ATIC: variants seen among roughly 807,000 people sequenced by gnomAD.
ATIC encodes bifunctional purine biosynthesis protein ATIC.
In ATIC, 64 loss-of-function variants were observed where a neutral mutation model predicts 72.5. That is an observed-to-expected ratio of 0.88 (90% CI 0.72 to 1.09). The LOEUF is 1.09. Ranked by LOEUF, ATIC falls within the 50% of genes least tolerant of loss-of-function variation. The pLI, the probability that ATIC is intolerant of heterozygous loss-of-function variation, is 0.00. For synonymous variants in ATIC, 281 were observed against 267.1 expected (o/e 1.05, Z -0.51); for missense variants, 787 against 732.4 (o/e 1.07, Z -0.86).
chr2:215,330,980 C>G (rs548368432), intron 7 of ATIC, among the ~76,000 whole-genome samples: 293 of 152,248 alleles, frequency 1.9e-3, no homozygotes, highest in Non-Finnish European at 3.5e-3. Context: ...TAGCTTATTT[C>G]TTAATGCTGA....
At chr2:215,326,540 G>A (rs4672767) in intron 6 of ATIC, among the ~76,000 whole-genome samples, 109,351 of 151,350 alleles carry the variant, frequency 0.72, 40,069 homozygotes, top group Non-Finnish European at 0.8. Context: ...AACCCAGGAG[G>A]TGGAAGTTGC....
the ATIC span, chr2:215,362,240 C>A: frequency 3.0e-6 from 2 of 660,612 alleles, no homozygotes; most frequent in African/African-American, 1.8e-5. Context: ...GCATTTATAA[C>A]TCTTAATACA....
At chr2:215,364,202 T>C in the ATIC span, among the ~76,000 whole-genome samples, 1 of 152,264 alleles carries the variant, frequency 6.6e-6, no homozygotes, top group Non-Finnish European at 1.5e-5. Flanking sequence ...TCATTTCCTC[T>C]GTTTTTCCTA....
chr2:215,360,549 T>C, the ATIC span: 1 of 152,184 alleles, frequency 6.6e-6, no homozygotes, highest in Non-Finnish European at 1.5e-5. Context: ...AAGGGAAGAA[T>C]TACAATGGTT....
At chr2:215,323,188 G>A (rs1031795598) in intron 4 of ATIC, among the ~76,000 whole-genome samples, 5 of 152,028 alleles carry the variant, frequency 3.3e-5, no homozygotes, top group Non-Finnish European at 7.4e-5. Context: ...CTCGTGATCC[G>A]CCCGCCTCGG....
At chr2:215,349,369 G>A in intron 15 of ATIC, 120 bp downstream of exon 15, 1 of 1,574,380 alleles carries the variant, frequency 6.4e-7, no homozygotes, top group Non-Finnish European at 8.7e-7. Flanking sequence ...AATATTCAGA[G>A]AACCATTTGA....
chr2:215,339,697 C>G (rs1339235421), intron 12 of ATIC, among the ~76,000 whole-genome samples: 1 of 151,758 alleles, frequency 6.6e-6, no homozygotes, highest in Non-Finnish European at 1.5e-5. Context: ...TGCAGTGGTG[C>G]GATCTCGGGT....
the ATIC span, chr2:215,367,757 G>A: frequency 8.9e-7 from 1 of 1,129,744 alleles, no homozygotes; most frequent in Admixed American, 1.8e-5. Flanking sequence ...TTTGCTTCAT[G>A]TTTGGAAGAA....
At chr2:215,312,410 A>G in intron 1 of ATIC, 88 bp from the exon 2 acceptor site, 1 of 1,607,416 alleles carries the variant, frequency 6.2e-7, no homozygotes, top group Non-Finnish European at 8.5e-7. Context: ...TTGCGATTCG[A>G]GAATCTCCTC....
chr2:215,316,509 G>C lies in ATIC; in HGVS notation c.147-1648G>C, dbSNP rs111274181. Among the ~76,000 whole-genome samples the C allele has an allele frequency of 9.9e-3, 1,502 of 152,282 alleles. 23 individuals are homozygous for C. The highest frequency in any genetic ancestry group is 0.034 in the African/African-American group (1,407 of 41,562). ...AGCCCAGGAGTTCTAGGCTGCCATG[G>C]ACTGTAATCTTGCCTGTGAATAATC... On this transcript the variant is annotated intron_variant, in intron 2 of 15. Coordinates refer to ENST00000236959, the MANE Select transcript of ATIC (RefSeq NM_004044.7).
intron 2 of ATIC, among the ~76,000 whole-genome samples, chr2:215,313,272 G>T (rs920031676): frequency 5.3e-5 from 8 of 152,316 alleles, no homozygotes; most frequent in Admixed American, 1.3e-4. Context: ...TACTTTGACT[G>T]GTGATTTAAT....
In ATIC at chr2:215,334,965, T is replaced by C. The variant is rs1447426161; in HGVS notation, c.969T>C (p.Asp323=). The part of the protein sequence containing the change: ...SSFGDFVALS[D]VCDVPTAKII... ...TTGGTGATTTTGTTGCATTGTCCGA[T>C]GTTTGTGATGTACCAACTGCAAAAA... The change falls in exon 10 of 16, where the codon GAT becomes GAC. Residue 323 remains aspartate, a synonymous_variant. Transcript: ENST00000236959. The C allele has an allele frequency of 4.3e-6, 7 of 1,613,584 alleles. No individual in the cohort carries two copies. The highest frequency in any genetic ancestry group is 1.1e-5 in the South Asian group (1 of 91,084).
At chr2:215,364,778 T>C in the ATIC span, 2 of 778,438 alleles carry the variant, frequency 2.6e-6, no homozygotes, top group Non-Finnish European at 2.2e-6. Flanking sequence ...TTTTAATACT[T>C]CCGAAGGGTC....
intron 12 of ATIC, among the ~76,000 whole-genome samples, chr2:215,343,337 G>T (rs1559278944): frequency 6.6e-6 from 1 of 151,884 alleles, no homozygotes; most frequent in Non-Finnish European, 1.5e-5. Context: ...TTGTTACTGA[G>T]TTTTTTTGTT....
chr2:215,337,025 C>G (rs1424248826), intron 11 of ATIC, among the ~76,000 whole-genome samples: 1 of 149,450 alleles, frequency 6.7e-6, no homozygotes, highest in African/African-American at 2.5e-5. Context: ...TGTTTTTATT[C>G]CTTTCTATGA....
At position 215,342,326 on chromosome 2, in the gene ATIC, T is replaced by G. The variant is rs377232126; in HGVS notation, c.1228-2453T>G. On this transcript the variant is annotated intron_variant, in intron 12 of 15. Transcript: ENST00000236959. ...AATAATACCTTAGAGTAATAAATTC[T>G]TAAGAAATCCTAATAGCTTTTTTTA... Among the ~76,000 whole-genome samples the G allele has an allele frequency of 7.8e-5, 11 of 141,510 alleles. 1 individual carries two copies. In the East Asian group the frequency reaches 1.4e-3, roughly 18 times the overall value. The allele number at this position is 141,510 out of a possible 152,430, so 92.8% of individuals were successfully genotyped here.
intron 14 of ATIC, 139 bp from the exon 15 acceptor site, chr2:215,348,955 T>TAAAAA: frequency 1.8e-6 from 1 of 555,292 alleles, no homozygotes; most frequent in Non-Finnish European, 2.6e-6. Context: ...AAACTCCGTC[T>TAAAAA]AAAAAAAAAA....
chr2:215,365,095 C>T, the ATIC span: 1 of 747,994 alleles, frequency 1.3e-6, no homozygotes, highest in Non-Finnish European at 2.4e-6. Context: ...ACAGCGCAAA[C>T]ACCACATATT....
At chr2:215,349,372 C>A in intron 15 of ATIC, 123 bp downstream of exon 15, 1 of 1,569,784 alleles carries the variant, frequency 6.4e-7, no homozygotes, top group Non-Finnish European at 8.7e-7. Context: ...ATTCAGAGAA[C>A]CATTTGACTT....
Sources: gnomAD v4.1 joint callset for allele counts (sites outside exome capture counted in the v4.1 genomes callset) on GRCh38, gnomAD v4.1.1 for gene constraint, MANE v1.5 for transcripts, NCBI Gene and HGNC (gene_info 2026-07-23, HGNC 2026-07-21) for gene names.